The following KCNIP4 variants were observed in gnomAD, a reference collection of about 807,000 sequenced individuals.
The protein encoded by KCNIP4 is Kv channel-interacting protein 4.
Under a neutral mutation model 34.0 loss-of-function variants are expected in KCNIP4, and 12 were observed. The ratio of observed to expected loss-of-function variants is 0.35; its 90% CI spans 0.23 to 0.57. The LOEUF (loss-of-function observed/expected upper bound fraction) is 0.57. KCNIP4 is among the 20% of genes least tolerant of loss of function. KCNIP4 has a pLI of 0.83. For synonymous variants in KCNIP4, 124 were observed against 102.2 expected, an observed-to-expected ratio of 1.21 and a Z score of -1.29; for missense variants, 238 against 311.7, an observed-to-expected ratio of 0.76 and a Z score of 1.78.
intron 4 of KCNIP4, among the ~76,000 whole-genome samples, chr4:20,757,982 AT>A (rs1754623345): frequency 6.6e-6 from 1 of 152,300 alleles, no homozygotes; most frequent in South Asian, 2.1e-4. Flanking sequence ...AATCACAGTT[AT>A]ACTTGAGTTT....
chr4:21,412,482 T>G (rs891496073), intron 1 of KCNIP4, among the ~76,000 whole-genome samples: 3 of 152,218 alleles, frequency 2.0e-5, no homozygotes, highest in African/African-American at 7.2e-5. Flanking sequence ...AGCCATTTAT[T>G]AGTACTTTGG....
chr4:21,131,039 T>C (rs1042489686), intron 1 of KCNIP4, among the ~76,000 whole-genome samples: 2 of 152,182 alleles, frequency 1.3e-5, no homozygotes, highest in Admixed American at 6.5e-5. Context: ...TGAAAAATCC[T>C]AAATTGAACC....
intron 1 of KCNIP4, among the ~76,000 whole-genome samples, chr4:21,157,126 G>T (rs1753196303): frequency 6.6e-6 from 1 of 152,094 alleles, no homozygotes; most frequent in South Asian, 2.1e-4. Context: ...CTCTGCAAAA[G>T]ACAGTTAACA....
chr4:21,030,035 G>C (rs1417205023), intron 1 of KCNIP4, among the ~76,000 whole-genome samples: 1 of 152,148 alleles, frequency 6.6e-6, no homozygotes, highest in Admixed American at 6.5e-5. Context: ...GCTATCTAAG[G>C]CAGGGGTCCC....
chr4:21,778,382 A>T (rs1273266180), intron 1 of KCNIP4, among the ~76,000 whole-genome samples: 1 of 150,660 alleles, frequency 6.6e-6, no homozygotes, highest in Non-Finnish European at 1.5e-5. Context: ...CCACAGGTGC[A>T]CGCCACCACA....
chr4:21,058,240 G>A, intron 1 of KCNIP4, among the ~76,000 whole-genome samples: 1 of 152,110 alleles, frequency 6.6e-6, no homozygotes. Flanking sequence ...GGGCATATAT[G>A]GTGAGTCCAA....
chr4:21,921,202 C>T (rs1012863931), intron 1 of KCNIP4, among the ~76,000 whole-genome samples: 1 of 152,024 alleles, frequency 6.6e-6, no homozygotes, highest in Admixed American at 6.6e-5. Context: ...TCACGCCTTC[C>T]TTCTTGGTTT....
At chr4:21,712,338 G>C (rs950941953) in intron 1 of KCNIP4, among the ~76,000 whole-genome samples, 3 of 152,172 alleles carry the variant, frequency 2.0e-5, no homozygotes, top group African/African-American at 7.2e-5. Flanking sequence ...CTTGTAAGCT[G>C]GGTTCAGTCT....
intron 1 of KCNIP4, among the ~76,000 whole-genome samples, chr4:20,941,953 G>A (rs1233087338): frequency 6.6e-6 from 1 of 152,106 alleles, no homozygotes; most frequent in Non-Finnish European, 1.5e-5. Flanking sequence ...ATGCATTGAG[G>A]GCCTACTATG....
chr4:20,892,847 A>G (rs1726078572), intron 1 of KCNIP4, among the ~76,000 whole-genome samples: 1 of 152,232 alleles, frequency 6.6e-6, no homozygotes, highest in Non-Finnish European at 1.5e-5. Flanking sequence ...TGGAAAAGGC[A>G]TCAATTTTCC....
intron 1 of KCNIP4, among the ~76,000 whole-genome samples, chr4:21,907,333 G>T (rs1443913831): frequency 6.6e-6 from 1 of 152,070 alleles, no homozygotes; most frequent in African/African-American, 2.4e-5. Context: ...CACTAGCTTG[G>T]TCTTCCGCTT....
intron 1 of KCNIP4, among the ~76,000 whole-genome samples, chr4:21,030,327 C>T (rs2149762530): frequency 6.6e-6 from 1 of 152,202 alleles, no homozygotes; most frequent in Non-Finnish European, 1.5e-5. Context: ...CTCCCATTAC[C>T]CTCAGATGGG....
chr4:21,143,512 C>A (rs1263501009), intron 1 of KCNIP4, among the ~76,000 whole-genome samples: 1 of 151,978 alleles, frequency 6.6e-6, no homozygotes, highest in Non-Finnish European at 1.5e-5. Context: ...CCCAGCAACA[C>A]CTTGATTTTG....
At chr4:21,760,360 G>A (rs1717961428) in intron 1 of KCNIP4, among the ~76,000 whole-genome samples, 2 of 152,036 alleles carry the variant, frequency 1.3e-5, no homozygotes, top group African/African-American at 2.4e-5. Flanking sequence ...GAGGGAAAAC[G>A]CCCAATCCCA....
At chr4:21,342,683 C>T (rs1716875846) in intron 1 of KCNIP4, among the ~76,000 whole-genome samples, 1 of 151,928 alleles carries the variant, frequency 6.6e-6, no homozygotes, top group African/African-American at 2.4e-5. Context: ...ACCCCTTATT[C>T]TCTACTAATT....
chr4:21,456,345 G>A (rs1728954009), intron 1 of KCNIP4, among the ~76,000 whole-genome samples: 1 of 147,744 alleles, frequency 6.8e-6, no homozygotes, highest in Admixed American at 6.6e-5. Flanking sequence ...AAGCACGTTT[G>A]AATGATGGCA....
At chr4:20,856,104 A>G (rs1029775451) in intron 2 of KCNIP4, among the ~76,000 whole-genome samples, 6 of 152,226 alleles carry the variant, frequency 3.9e-5, no homozygotes, top group African/African-American at 1.4e-4. Flanking sequence ...TGAGATAGAA[A>G]AGATGATGGA....
intron 1 of KCNIP4, among the ~76,000 whole-genome samples, chr4:21,282,173 G>T (rs532986218): frequency 6.6e-6 from 1 of 152,272 alleles, no homozygotes; most frequent in South Asian, 2.1e-4. Flanking sequence ...TAGTCACGTA[G>T]CTACCTGTAA....
intron 1 of KCNIP4, among the ~76,000 whole-genome samples, chr4:21,491,710 A>G (rs1421020664): frequency 2.6e-5 from 4 of 152,154 alleles, no homozygotes; most frequent in Non-Finnish European, 5.9e-5. Context: ...TGCTTACCAG[A>G]AACACTTTTG....
Sources: gnomAD v4.1 joint callset for allele counts (sites outside exome capture counted in the v4.1 genomes callset) on GRCh38, gnomAD v4.1.1 for gene constraint, MANE v1.5 for transcripts, NCBI Gene and HGNC (gene_info 2026-07-23, HGNC 2026-07-21) for gene names.